The following ATXN10 variants were observed in gnomAD, a reference collection of about 807,000 sequenced individuals.
The protein encoded by ATXN10 is ataxin-10.
ATXN10 carries 28 observed loss-of-function variants against 52.9 expected under a neutral mutation model. The observed-to-expected ratio is 0.53, with a 90% CI of 0.39 to 0.73. ATXN10 has a LOEUF of 0.73. Ranked by LOEUF, ATXN10 falls within the 30% of genes least tolerant of loss-of-function variation. The pLI is 0.00. For missense variants in ATXN10, 565 were observed against 577.0 expected (o/e 0.98, Z 0.21); for synonymous variants, 226 against 221.5 (o/e 1.02, Z -0.18).
chr22:45,777,412 G>A (rs1926998318), intron 9 of ATXN10, among the ~76,000 whole-genome samples: 1 of 152,272 alleles, frequency 6.6e-6, no homozygotes, highest in African/African-American at 2.4e-5. Flanking sequence ...GTTTTTTACA[G>A]GTTCATATAA....
intron 6 of ATXN10, among the ~76,000 whole-genome samples, chr22:45,726,489 G>A (rs768427474): frequency 5.2e-4 from 79 of 152,052 alleles, no homozygotes; most frequent in Non-Finnish European, 1.1e-3. Flanking sequence ...TTGTATTTCT[G>A]TGGTGCCAGC....
In ATXN10 at chr22:45,718,036, A is replaced by G. The variant is rs1924511449; in HGVS notation, c.648-377A>G. On this transcript the variant is annotated intron_variant, in intron 5 of 11. Transcript: ENST00000252934. The surrounding 1 kb of genome is among the most constrained non-coding windows in gnomAD (Gnocchi z 4.4). The stretch of plus-strand genomic sequence containing the variant: ...GTGACAAGTCTTTCTCTGGTTCATT[A>G]TAGCAGTTAGCTTCTGACTAAACCA... Among the ~76,000 whole-genome samples the G allele has an allele frequency of 2.6e-5, 4 of 152,322 alleles. No homozygotes were observed. The South Asian group carries it at 8.3e-4, about 32-fold the overall frequency.
chr22:45,753,582 T>G (rs894210979), intron 9 of ATXN10, among the ~76,000 whole-genome samples: 3 of 151,884 alleles, frequency 2.0e-5, no homozygotes, highest in African/African-American at 7.3e-5. Flanking sequence ...ATTCTTTGTA[T>G]TTTTAGTAGA....
chr22:45,724,642 C>T (rs879208351), intron 6 of ATXN10, among the ~76,000 whole-genome samples: 2 of 152,174 alleles, frequency 1.3e-5, no homozygotes, highest in South Asian at 2.1e-4. Flanking sequence ...ATGATTATTT[C>T]TTCCGCTGTG....
At chr22:45,710,190 G>T (rs1924191773) in intron 5 of ATXN10, among the ~76,000 whole-genome samples, 1 of 152,132 alleles carries the variant, frequency 6.6e-6, no homozygotes, top group Non-Finnish European at 1.5e-5. Flanking sequence ...GTCATGTCCT[G>T]GCGTCTGACT....
At chr22:45,753,042 T>A (rs1353681283) in intron 9 of ATXN10, among the ~76,000 whole-genome samples, 3 of 152,100 alleles carry the variant, frequency 2.0e-5, no homozygotes, top group Non-Finnish European at 4.4e-5. Flanking sequence ...CTGATCAACT[T>A]ATTTTTTATT....
In ATXN10 at chr22:45,787,617, A is replaced by G. The variant is rs1331068857; in HGVS notation, c.1174-19342A>G. 6.6e-6 allele frequency among the ~76,000 whole-genome samples: 1 copy of G among 152,146 alleles called. No individual in the cohort carries two copies. The highest frequency in any genetic ancestry group is 1.5e-5 in the Non-Finnish European group (1 of 68,020). On this transcript the variant is annotated intron_variant, in intron 9 of 11. Coordinates refer to ENST00000252934, the MANE Select transcript of ATXN10 (RefSeq NM_013236.4). This position sits in a 1 kb window ranked among gnomAD's most constrained non-coding sequence, Gnocchi z 4.2. ...TCAATACTTTGGTGGCTCTTCCCAT[A>G]TCCCAGCTTTGGACAGAATAGTCAG...
intron 9 of ATXN10, among the ~76,000 whole-genome samples, chr22:45,761,397 G>C (rs892675126): frequency 6.6e-6 from 1 of 152,210 alleles, no homozygotes; most frequent in African/African-American, 2.4e-5. Context: ...CCCACAGTGA[G>C]TGCTCTGTAA....
rs1031125304 is a variant in ATXN10, at chr22:45,789,137, C to T, written c.1174-17822C>T. On this transcript the variant is annotated intron_variant, in intron 9 of 11. Coordinates refer to ENST00000252934, the MANE Select transcript of ATXN10 (RefSeq NM_013236.4). This position sits in a 1 kb window ranked among gnomAD's most constrained non-coding sequence, Gnocchi z 4.0. Reference sequence around the variant, plus strand: ...GACTGTATCAGCACATCTTCATGAGCTGAAAGGCTCACCTGACCACCCCTC... The same window carrying T: ...GACTGTATCAGCACATCTTCATGAGTTGAAAGGCTCACCTGACCACCCCTC... Among the ~76,000 whole-genome samples, 4 of 152,180 alleles carry T rather than the reference C, an allele frequency of 2.6e-5. No individual in the cohort carries two copies. Among genetic ancestry groups the T allele is most frequent in the African/African-American group, 9.7e-5 (4 of 41,436 alleles).
chr22:45,798,335 T>C (rs1226668231), intron 9 of ATXN10, among the ~76,000 whole-genome samples: 1 of 152,230 alleles, frequency 6.6e-6, no homozygotes, highest in Non-Finnish European at 1.5e-5. Flanking sequence ...ATCATGAACC[T>C]ATGATGGTTT....
Position 45,693,003 on chromosome 22 carries a change from G to C in ATXN10, c.316G>C (p.Asp106His). 1.2e-6 allele frequency: 2 copies of C among 1,614,056 alleles called. No individual in the cohort carries two copies. The highest frequency in any genetic ancestry group is 1.7e-6 in the Non-Finnish European group (2 of 1,179,954). The change falls in exon 3 of 12, where the codon GAT becomes CAT. Residue 106 changes from aspartate (D) to histidine (H), a missense_variant. Transcript: ENST00000252934. ...SVNQNSIRNL[D>H]TIGVAVDLIL... ...CTTTTTTAAAAAACCCAGGAACTTG[G>C]ATACGATTGGTGTTGCTGTTGATTT...
chr22:45,694,957 A>C (rs1219063934), intron 3 of ATXN10, among the ~76,000 whole-genome samples: 30 of 147,900 alleles, frequency 2.0e-4, no homozygotes, highest in South Asian at 8.5e-4. Flanking sequence ...AAAAAAAAAA[A>C]AAAAAAAAAC....
chr22:45,699,097 CA>C lies in ATXN10; in HGVS notation c.392-1183del, dbSNP rs553570932. Among the ~76,000 whole-genome samples, 829 of 152,260 alleles carry C rather than the reference CA, an allele frequency of 5.4e-3. 11 individuals are homozygous for C. Among genetic ancestry groups the C allele is most frequent in the African/African-American group, 0.019 (790 of 41,566 alleles). On this transcript the variant is annotated intron_variant, in intron 3 of 11. Transcript: ENST00000252934. ...ATGCCCATCAAATTTTATGTAAACA[CA>C]AGCATGAGTTATTTTAATTGAGTTA... is the stretch of plus-strand genomic sequence containing the variant.
chr22:45,823,487 T>C lies in ATXN10; in HGVS notation c.1237+16465T>C, dbSNP rs1928720014. On this transcript the variant is annotated intron_variant, in intron 10 of 11. Coordinates refer to ENST00000252934, the MANE Select transcript of ATXN10 (RefSeq NM_013236.4). This position sits in a 1 kb window ranked among gnomAD's most constrained non-coding sequence, Gnocchi z 4.9. ...GTTTCCGTTTCAGTATTTAAAAACC[T>C]TCATTTCACCCTTGGCTCTGCAGGA... Among the ~76,000 whole-genome samples, 1 of 152,198 alleles carries C rather than the reference T, an allele frequency of 6.6e-6. No homozygotes were observed. The highest frequency in any genetic ancestry group is 2.4e-5 in the African/African-American group (1 of 41,458).
intron 7 of ATXN10, chr22:45,738,359 G>C (rs892208457): frequency 5.7e-6 from 1 of 176,866 alleles, no homozygotes; most frequent in African/African-American, 2.4e-5. Context: ...TTTGCATGCT[G>C]GGAATGCTTT....
Position 45,823,905 on chromosome 22 carries a change from ACT to A in ATXN10, c.1237+16886_1237+16887del, listed in dbSNP as rs1308244845. Among the ~76,000 whole-genome samples the A allele has an allele frequency of 6.6e-6, 1 of 151,892 alleles. No individual in the cohort carries two copies. Among genetic ancestry groups the A allele is most frequent in the Non-Finnish European group, 1.5e-5 (1 of 67,960 alleles). ...GGCAGGCACTCAGGTCACCTGGGAG[ACT>A]CTGTGCCCTCAGCATCTTGTGACGT... On this transcript the variant is annotated intron_variant, in intron 10 of 11. Coordinates refer to ENST00000252934, the MANE Select transcript of ATXN10 (RefSeq NM_013236.4). This position sits in a 1 kb window ranked among gnomAD's most constrained non-coding sequence, Gnocchi z 4.9.
chr22:45,694,614 T>C (rs891966458), intron 3 of ATXN10, among the ~76,000 whole-genome samples: 1 of 151,980 alleles, frequency 6.6e-6, no homozygotes, highest in Non-Finnish European at 1.5e-5. Flanking sequence ...AAACCCCCTC[T>C]CTACTAAAAA....
chr22:45,819,531 C>T lies in ATXN10; in HGVS notation c.1237+12509C>T, dbSNP rs558316569. ...TGGCTTTACCAAGCCACATCACTGA[C>T]GTATTCATTGTAGTTGACTCAGAAC... On this transcript the variant is annotated intron_variant, in intron 10 of 11. Coordinates refer to ENST00000252934, the MANE Select transcript of ATXN10 (RefSeq NM_013236.4). This position sits in a 1 kb window ranked among gnomAD's most constrained non-coding sequence, Gnocchi z 4.5. Among the ~76,000 whole-genome samples, 17 of 152,254 alleles carry T rather than the reference C, an allele frequency of 1.1e-4. No homozygotes were observed. Among genetic ancestry groups the T allele is most frequent in the Admixed American group, 6.5e-4 (10 of 15,298 alleles).
intron 7 of ATXN10, among the ~76,000 whole-genome samples, chr22:45,735,050 TG>T (rs1338724381): frequency 6.6e-6 from 1 of 151,882 alleles, no homozygotes; most frequent in African/African-American, 2.4e-5. Context: ...GGCTAATTTT[TG>T]TATTTTTAGT....
Sources: allele counts gnomAD v4.1 joint callset (sites outside exome capture counted in the v4.1 genomes callset), GRCh38; gene constraint gnomAD v4.1.1; non-coding constraint Gnocchi (gnomAD v3.1); transcripts MANE v1.5; gene names NCBI Gene and HGNC (gene_info 2026-07-23, HGNC 2026-07-21).